PLCXD1: variants seen among roughly 807,000 people sequenced by gnomAD.
The protein encoded by PLCXD1 is phosphatidylinositol specific phospholipase C X domain containing 1, also known as PI-PLC X domain-containing protein 1.
A neutral mutation model predicts 37.8 loss-of-function variants in PLCXD1; 45 were observed. The observed-to-expected ratio is 1.19, with a 90% confidence interval of 0.94 to 1.53. PLCXD1 has a LOEUF of 1.53. Ranked by LOEUF, PLCXD1 falls within the 40% of genes most tolerant of loss-of-function variation. PLCXD1 has a pLI of 0.00. For synonymous variants in PLCXD1, 246 were observed against 206.9 expected (o/e 1.19, Z -1.62); for missense variants, 539 against 454.7 (o/e 1.19, Z -1.69).
At chrX:291,693 C>T (rs2069642248) in intron 5 of PLCXD1, 39 bp downstream of exon 5, 1 of 1,602,894 alleles carries the variant, frequency 6.2e-7, no homozygotes, top group South Asian at 1.1e-5. Context: ...TCTCCCGGGG[C>T]AGGGGCATCG....
chrX:284,223 G>T lies in PLCXD1; in HGVS notation c.36G>T (p.Ser12=), dbSNP rs201477118. The T allele has an allele frequency of 1.9e-6, 3 of 1,613,520 alleles. No individual in the cohort carries two copies. Among genetic ancestry groups the T allele is most frequent in the South Asian group, 2.2e-5 (2 of 91,050 alleles). Reference sequence around the variant, plus strand: ...AGGTGAGCGCTTCCAACAGCTTCTCGAGGCTGCACTGCAGAAATGCCAACG... The same window carrying T: ...AGGTGAGCGCTTCCAACAGCTTCTCTAGGCTGCACTGCAGAAATGCCAACG... The part of the protein sequence containing the change: ...GGQVSASNSF[S]RLHCRNANED... The change falls in exon 2 of 7, where the codon TCG becomes TCT. Residue 12 remains serine (S), a synonymous_variant. Transcript: ENST00000381657.
At position 291,425 on chromosome X, in the gene PLCXD1, C is replaced by T. The variant is rs1249581472; in HGVS notation, c.394-74C>T. 29 of 1,548,710 alleles carry T rather than the reference C, an allele frequency of 1.9e-5. 1 individual carries two copies. The highest frequency in any genetic ancestry group is 2.3e-5 in the East Asian group (1 of 44,352). ...CCTCCCAAATTGCTGGGATGACAGGCGTGAGCCGCCACACCCCGCCTTCCC... is the reference window on the plus strand; with the variant it reads ...CCTCCCAAATTGCTGGGATGACAGGTGTGAGCCGCCACACCCCGCCTTCCC... On this transcript the variant is annotated intron_variant, in intron 4 of 6. Coordinates refer to ENST00000381657, the MANE Select transcript of PLCXD1 (RefSeq NM_018390.4).
At position 302,455 on chromosome X, in the gene PLCXD1, A is replaced by T. The variant is rs1263902480; in HGVS notation, c.*3120A>T. 3.3e-5 allele frequency: 5 copies of T among 151,816 alleles called. No individual in the cohort carries two copies. Among genetic ancestry groups the T allele is most frequent in the Non-Finnish European group, 5.9e-5 (4 of 67,980 alleles). The allele number at this position is 151,816 out of a possible 1,614,324, so 9.4% of individuals were successfully genotyped here. On this transcript the variant is annotated 3_prime_UTR_variant, in exon 7 of 7. Coordinates refer to ENST00000381657, the MANE Select transcript of PLCXD1 (RefSeq NM_018390.4). Reference sequence around the variant, plus strand: ...GTTGTTCAGGCTGGAGTGCAATGGCACGATCTCAGCTCACTGCAACCTCTG... The same window carrying T: ...GTTGTTCAGGCTGGAGTGCAATGGCTCGATCTCAGCTCACTGCAACCTCTG...
At chrX:282,988 A>G (rs1471458620) in intron 1 of PLCXD1, among the ~76,000 whole-genome samples, 3 of 146,170 alleles carry the variant, frequency 2.1e-5, no homozygotes, top group Admixed American at 1.4e-4. Flanking sequence ...TATAATATAT[A>G]TTATATGTAT....
chrX:296,715 C>G (rs916463416), intron 6 of PLCXD1, among the ~76,000 whole-genome samples: 3 of 152,120 alleles, frequency 2.0e-5, no homozygotes, highest in Non-Finnish European at 4.4e-5. Context: ...CCCAAGACAA[C>G]AGCATTCTTC....
At chrX:278,006 G>A (rs2069187625), upstream of PLCXD1, among the ~76,000 whole-genome samples, 1 of 103,288 alleles carries the variant, frequency 9.7e-6, no homozygotes, top group Admixed American at 8.8e-5. Flanking sequence ...TGGGATGTGA[G>A]GGGAGGGGTC....
intron 3 of PLCXD1, among the ~76,000 whole-genome samples, chrX:289,302 T>G (rs1445251290): frequency 6.6e-6 from 1 of 152,048 alleles, no homozygotes; most frequent in Non-Finnish European, 1.5e-5. Flanking sequence ...TTAGTCAGGA[T>G]GGTCTTGATC....
At chrX:291,063 G>A (rs1221138588) in intron 4 of PLCXD1, among the ~76,000 whole-genome samples, 5 of 152,056 alleles carry the variant, frequency 3.3e-5, no homozygotes, top group South Asian at 2.1e-4. Context: ...GGAAACGCCC[G>A]GTCTTTAATG....
chrX:283,308 G>T (rs1392439161), intron 1 of PLCXD1: 2 of 149,820 alleles, frequency 1.3e-5, no homozygotes, highest in Non-Finnish European at 3.0e-5. Context: ...TGGCTCCCCT[G>T]GACTGAGACA....
At chrX:290,397 TCCA>T (rs1261615323) in intron 3 of PLCXD1, among the ~76,000 whole-genome samples, 1 of 143,956 alleles carries the variant, frequency 6.9e-6, no homozygotes, top group Non-Finnish European at 1.5e-5. Flanking sequence ...ACCACTGCAC[TCCA>T]GCCTGGGTGA....
intron 2 of PLCXD1, among the ~76,000 whole-genome samples, chrX:286,008 G>C (rs1414777216): frequency 6.6e-6 from 1 of 152,046 alleles, no homozygotes; most frequent in Non-Finnish European, 1.5e-5. Flanking sequence ...AGCACTGATC[G>C]CGTTCTTCCT....
chrX:291,527 T>A lies in PLCXD1; in HGVS notation c.422T>A (p.Leu141Gln), dbSNP rs761856697. Residue 141 changes from leucine (L) to glutamine (Q), a missense_variant, in exon 5 of 7, where the codon CTG (leucine) becomes CAG (glutamine). Transcript: ENST00000381657. ...ACACTCACGGAAATCTCGGAGTGGC[T>A]GGAGCGGCATCCACGCGAGGTGGTC... ...EDTLTEISEW[L>Q]ERHPREVVIL... The A allele has an allele frequency of 6.2e-7, 1 of 1,612,806 alleles. No homozygotes were observed. Among genetic ancestry groups the A allele is most frequent in the Non-Finnish European group, 8.5e-7 (1 of 1,179,834 alleles).
chrX:295,679 C>G (rs2069783232), intron 6 of PLCXD1, among the ~76,000 whole-genome samples: 1 of 151,690 alleles, frequency 6.6e-6, no homozygotes, highest in Non-Finnish European at 1.5e-5. Flanking sequence ...CGCCCGCCAC[C>G]ACACCCGGCT....
upstream of PLCXD1, among the ~76,000 whole-genome samples, chrX:279,730 T>C (rs1414487848): frequency 2.0e-5 from 3 of 148,772 alleles, no homozygotes; most frequent in Non-Finnish European, 3.0e-5. Context: ...GCTGAGATCA[T>C]GACACTGCAC....
At chrX:289,818 C>T (rs780072106) in intron 3 of PLCXD1, among the ~76,000 whole-genome samples, 67 of 152,154 alleles carry the variant, frequency 4.4e-4, no homozygotes, top group African/African-American at 1.3e-3. Flanking sequence ...GCCGAGACAA[C>T]CCCTTTCATG....
intron 4 of PLCXD1, 126 bp from the exon 5 acceptor site, chrX:291,373 T>A: frequency 1.0e-6 from 1 of 996,856 alleles, no homozygotes; most frequent in Non-Finnish European, 1.6e-6. Flanking sequence ...CTCAAACTCC[T>A]AACCTCAGGT....
intron 2 of PLCXD1, 26 bp downstream of exon 2, chrX:284,340 G>T (rs754199936): frequency 6.2e-7 from 1 of 1,611,564 alleles, no homozygotes; most frequent in Non-Finnish European, 8.5e-7. Context: ...GGCAGGGGCC[G>T]TTGCCTCTAT....
chrX:291,329 A>G (rs1045096566), intron 4 of PLCXD1, among the ~76,000 whole-genome samples, 170 bp from the exon 5 acceptor site: 21 of 151,978 alleles, frequency 1.4e-4, no homozygotes, highest in Non-Finnish European at 2.8e-4. Flanking sequence ...TATTTTTAGT[A>G]GATACGGGGT....
rs1437764012 is a variant in PLCXD1 at position 301,475 on chromosome X, CTG to C, written c.*2142_*2143del. 1 of 151,946 alleles carries C rather than the reference CTG, an allele frequency of 6.6e-6. No homozygotes were observed. The highest frequency in any genetic ancestry group is 1.5e-5 in the Non-Finnish European group (1 of 68,078). 9.4% of individuals were successfully genotyped at this position (151,946 alleles called of 1,614,324 possible). ...TTTTTTGTAGAGATGGGGTCTGGCT[CTG>C]TTGCTCAGGCTGGTGTGTAGTAGGG... On this transcript the variant is annotated 3_prime_UTR_variant, in exon 7 of 7. Transcript: ENST00000381657.
Sources: gnomAD v4.1 joint callset for allele counts (sites outside exome capture counted in the v4.1 genomes callset) on GRCh38, gnomAD v4.1.1 for gene constraint, MANE v1.5 for transcripts, NCBI Gene and HGNC (gene_info 2026-07-23, HGNC 2026-07-21) for gene names.